Variants in GRID2 observed in about 807,000 individuals in gnomAD.
GRID2 encodes the protein glutamate receptor ionotropic, delta-2.
A neutral mutation model predicts 114.8 loss-of-function variants in GRID2; 33 were observed. That is an observed-to-expected ratio of 0.29 (90% confidence interval 0.22 to 0.38). The LOEUF (loss-of-function observed/expected upper bound fraction) is 0.38, where lower values mean the gene tolerates loss of function less well. GRID2 is among the 10% of genes least tolerant of loss of function. The probability of loss-of-function intolerance (pLI) is 1.00; values close to 1 mark genes in which losing one functional copy is unlikely to be tolerated. For synonymous variants in GRID2, 505 were observed against 449.9 expected (o/e 1.12, Z -1.55); for missense variants, 1,184 against 1,257.7 (o/e 0.94, Z 0.89).
At position 92,599,144 on chromosome 4, in the gene GRID2, A is replaced by G. The variant is rs138648846; in HGVS notation, c.244+8858A>G. Among the ~76,000 whole-genome samples, 15 of 150,172 alleles carry G rather than the reference A, an allele frequency of 1.0e-4. No homozygotes were observed. The East Asian group carries it at 3.0e-3, about 30-fold the overall frequency. On this transcript the variant is annotated intron_variant, in intron 2 of 15. Transcript: ENST00000282020. ...ATGTAGTGTAATTTATTTGGCAAAT[A>G]GTAGTGATGTTGCAACATGTGTACT...
chr4:92,965,215 A>C (rs1753059259), intron 2 of GRID2, among the ~76,000 whole-genome samples: 1 of 151,824 alleles, frequency 6.6e-6, no homozygotes, highest in Admixed American at 6.6e-5. Context: ...TTTATTGATT[A>C]AGATCGATTC....
intron 2 of GRID2, among the ~76,000 whole-genome samples, chr4:92,677,801 G>A (rs918397587): frequency 2.0e-5 from 3 of 152,028 alleles, no homozygotes; most frequent in Admixed American, 6.6e-5. Flanking sequence ...GCTTTTGTTT[G>A]TTTGTTTAAT....
At chr4:92,403,939 A>G (rs1355124872) in intron 1 of GRID2, among the ~76,000 whole-genome samples, 7 of 152,120 alleles carry the variant, frequency 4.6e-5, no homozygotes, top group Non-Finnish European at 8.8e-5. Context: ...TTATGTGGGC[A>G]TAGTTCATGG....
chr4:92,971,366 A>T (rs1753504725), intron 2 of GRID2, among the ~76,000 whole-genome samples: 1 of 152,044 alleles, frequency 6.6e-6, no homozygotes, highest in Non-Finnish European at 1.5e-5. Flanking sequence ...AGTTACACAG[A>T]AGTAATAAGG....
At chr4:92,670,708 A>G (rs1244206339) in intron 2 of GRID2, among the ~76,000 whole-genome samples, 1 of 152,122 alleles carries the variant, frequency 6.6e-6, no homozygotes, top group East Asian at 1.9e-4. Flanking sequence ...AAAGTTCTAA[A>G]TGCTTTGCAT....
chr4:93,098,361 A>G (rs912277164), intron 3 of GRID2, among the ~76,000 whole-genome samples: 1 of 152,006 alleles, frequency 6.6e-6, no homozygotes, highest in Non-Finnish European at 1.5e-5. Context: ...AAAGAGGCTC[A>G]TTAAAGGCAA....
intron 2 of GRID2, among the ~76,000 whole-genome samples, chr4:92,622,878 G>A (rs1033662073): frequency 2.0e-5 from 3 of 151,754 alleles, no homozygotes; most frequent in Admixed American, 6.6e-5. Flanking sequence ...AGATTGGAAA[G>A]TCTATGTGAA....
At chr4:92,318,113 A>C (rs1355275609) in intron 1 of GRID2, among the ~76,000 whole-genome samples, 1 of 151,790 alleles carries the variant, frequency 6.6e-6, no homozygotes, top group South Asian at 2.1e-4. Context: ...TGAATATTGC[A>C]CTCTTAAAAA....
intron 4 of GRID2, among the ~76,000 whole-genome samples, chr4:93,152,442 A>C (rs1736819809): frequency 6.6e-6 from 1 of 152,140 alleles, no homozygotes; most frequent in Non-Finnish European, 1.5e-5. Context: ...CTTTTCCAGG[A>C]AAAGCATGAG....
At chr4:93,096,388 A>G (rs1731229261) in intron 3 of GRID2, among the ~76,000 whole-genome samples, 1 of 152,022 alleles carries the variant, frequency 6.6e-6, no homozygotes, top group East Asian at 1.9e-4. Context: ...ATACAACATT[A>G]AGAAATAGAC....
chr4:92,493,428 G>A (rs146773526), intron 1 of GRID2, among the ~76,000 whole-genome samples: 67 of 152,180 alleles, frequency 4.4e-4, no homozygotes, highest in African/African-American at 1.5e-3. Flanking sequence ...GAGAGACATA[G>A]CCCAGCACTC....
intron 13 of GRID2, among the ~76,000 whole-genome samples, chr4:93,534,887 C>T (rs1731876596): frequency 6.7e-6 from 1 of 149,896 alleles, no homozygotes; most frequent in African/African-American, 2.5e-5. Flanking sequence ...GATCTACTCG[C>T]TGAGCAAATT....
intron 1 of GRID2, among the ~76,000 whole-genome samples, chr4:92,588,470 A>T (rs1438063083): frequency 6.6e-6 from 1 of 151,560 alleles, no homozygotes; most frequent in Non-Finnish European, 1.5e-5. Context: ...ATGTCAGGAG[A>T]TCGAAACCAT....
chr4:93,554,902 G>A (rs777851485), intron 13 of GRID2, among the ~76,000 whole-genome samples: 1 of 152,126 alleles, frequency 6.6e-6, no homozygotes, highest in Non-Finnish European at 1.5e-5. Flanking sequence ...TTCCAACTGA[G>A]GTACTCGGCT....
chr4:92,995,278 C>G (rs1755132999), intron 2 of GRID2, among the ~76,000 whole-genome samples: 2 of 152,112 alleles, frequency 1.3e-5, no homozygotes, highest in African/African-American at 4.8e-5. Flanking sequence ...TCCTCTAATT[C>G]TCTCCTTTCA....
chr4:92,587,098 CTGTGTG>C (rs70942914), intron 1 of GRID2, among the ~76,000 whole-genome samples: 2,392 of 133,800 alleles, frequency 0.018, 44 homozygotes, highest in African/African-American at 0.046. Flanking sequence ...TGATGAAATG[CTGTGTG>C]TGTGTGTGTG....
intron 8 of GRID2, among the ~76,000 whole-genome samples, chr4:93,383,115 A>G (rs1463475278): frequency 6.6e-6 from 1 of 152,138 alleles, no homozygotes; most frequent in African/African-American, 2.4e-5. Context: ...AGAGGAAAAG[A>G]GAAAAATGAA....
intron 3 of GRID2, among the ~76,000 whole-genome samples, chr4:93,093,470 A>G (rs1386759599): frequency 1.3e-5 from 2 of 152,030 alleles, no homozygotes; most frequent in South Asian, 2.1e-4. Context: ...GCATGTCTCT[A>G]TGTGACATTA....
chr4:93,217,386 G>A (rs1744355110), intron 6 of GRID2: 1 of 152,752 alleles, frequency 6.5e-6, no homozygotes, highest in Non-Finnish European at 1.5e-5. Flanking sequence ...AACTCCGAGA[G>A]GATATAGCTG....
Sources: allele counts gnomAD v4.1 joint callset (sites outside exome capture counted in the v4.1 genomes callset), GRCh38; gene constraint gnomAD v4.1.1; transcripts MANE v1.5; gene names NCBI Gene and HGNC (gene_info 2026-07-23, HGNC 2026-07-21).